Variants in RAB38 observed in about 807,000 individuals in gnomAD.
RAB38 encodes ras-related protein Rab-38.
RAB38 carries 15 observed loss-of-function variants against 18.4 expected under a neutral mutation model. The observed-to-expected ratio is 0.82, with a 90% confidence interval of 0.55 to 1.26. The LOEUF is 1.26. Among genes scored for constraint, RAB38 ranks in the 50% most tolerant of loss-of-function variants. The pLI is 0.00. For missense variants in RAB38, 294 were observed against 267.4 expected (o/e 1.10, Z -0.69); for synonymous variants, 101 against 104.4 (o/e 0.97, Z 0.20).
the RAB38 span, among the ~76,000 whole-genome samples, chr11:87,963,070 T>C: frequency 4.6e-5 from 7 of 152,222 alleles, no homozygotes; most frequent in Admixed American, 4.6e-4. Context: ...CAGTGTTTAT[T>C]ATTTTAACTA....
the RAB38 span, among the ~76,000 whole-genome samples, chr11:88,077,292 C>G: frequency 6.6e-6 from 1 of 151,746 alleles, no homozygotes; most frequent in Non-Finnish European, 1.5e-5. Context: ...AACAAACATA[C>G]TAAAAATCCT....
the RAB38 span, among the ~76,000 whole-genome samples, chr11:87,809,517 T>C: frequency 6.6e-6 from 1 of 152,218 alleles, no homozygotes; most frequent in Admixed American, 6.5e-5. Flanking sequence ...TGAGGAAAAA[T>C]TGATATGAAT....
chr11:87,815,892 T>C, the RAB38 span: 1 of 152,456 alleles, frequency 6.6e-6, no homozygotes, highest in African/African-American at 2.4e-5. Flanking sequence ...ATGAAGAATA[T>C]TGAAGCACCG....
the RAB38 span, among the ~76,000 whole-genome samples, chr11:87,850,193 C>T: frequency 2.0e-5 from 3 of 152,132 alleles, no homozygotes; most frequent in Non-Finnish European, 4.4e-5. Context: ...ATAACCATTA[C>T]TAAAGTACCA....
chr11:88,103,006 T>C, the RAB38 span, among the ~76,000 whole-genome samples: 1 of 149,496 alleles, frequency 6.7e-6, no homozygotes, highest in Admixed American at 6.6e-5. Flanking sequence ...TGCCATGCCC[T>C]TCCCTTTGTA....
At chr11:87,963,260 C>T in the RAB38 span, among the ~76,000 whole-genome samples, 1 of 152,112 alleles carries the variant, frequency 6.6e-6, no homozygotes, top group Non-Finnish European at 1.5e-5. Flanking sequence ...ATCCACAGAG[C>T]CCTCTGTTTA....
chr11:87,816,705 G>C, the RAB38 span, among the ~76,000 whole-genome samples: 1 of 152,068 alleles, frequency 6.6e-6, no homozygotes, highest in East Asian at 1.9e-4. Flanking sequence ...TGTATAGAGA[G>C]AGAAAGAGAG....
At chr11:87,912,011 G>A in the RAB38 span, among the ~76,000 whole-genome samples, 3,151 of 151,802 alleles carry the variant, frequency 0.021, 116 homozygotes, top group Non-Finnish European at 0.024. Flanking sequence ...GAATTAAATG[G>A]ATTGATTTTC....
the RAB38 span, among the ~76,000 whole-genome samples, chr11:87,903,789 C>T: frequency 6.7e-6 from 1 of 150,144 alleles, no homozygotes; most frequent in African/African-American, 2.4e-5. Flanking sequence ...AATGAAAGAG[C>T]TTTTTTCCAT....
intron 1 of RAB38, chr11:88,166,516 G>C (rs1195517388): frequency 1.3e-5 from 2 of 152,096 alleles, no homozygotes; most frequent in Non-Finnish European, 2.9e-5. Flanking sequence ...TCCAGATCAA[G>C]CTTGCTCATC....
chr11:88,038,058 G>GTGAGTTGCC, the RAB38 span, among the ~76,000 whole-genome samples: 3 of 152,116 alleles, frequency 2.0e-5, no homozygotes, highest in African/African-American at 7.2e-5. Flanking sequence ...TTGCTCATCT[G>GTGAGTTGCC]TGAGTTGCCT....
the RAB38 span, among the ~76,000 whole-genome samples, chr11:88,038,686 C>T: frequency 3.9e-5 from 6 of 152,250 alleles, no homozygotes; most frequent in African/African-American, 9.6e-5. Flanking sequence ...CTACCTTTCA[C>T]CCAATCAAAT....
At chr11:88,173,682 T>C in intron 1 of RAB38, 1 of 984,700 alleles carries the variant, frequency 1.0e-6, no homozygotes, top group Non-Finnish European at 1.2e-6. Context: ...TTTTCAGACA[T>C]TATGACATGC....
At chr11:88,093,569 C>A in the RAB38 span, among the ~76,000 whole-genome samples, 1 of 151,818 alleles carries the variant, frequency 6.6e-6, no homozygotes, top group South Asian at 2.1e-4. Context: ...CAATTCTTAC[C>A]AGGATTGTTT....
At chr11:87,897,389 T>C in the RAB38 span, among the ~76,000 whole-genome samples, 1 of 151,612 alleles carries the variant, frequency 6.6e-6, no homozygotes, top group African/African-American at 2.4e-5. Flanking sequence ...TTCTAAATAT[T>C]TTATCTTGGG....
the RAB38 span, among the ~76,000 whole-genome samples, chr11:87,976,851 ATAATGTATT>A: frequency 1.9e-5 from 2 of 102,680 alleles, no homozygotes; most frequent in Admixed American, 2.6e-4. Flanking sequence ...ATTGTGTTAT[ATAATGTATT>A]ATATATTATA....
At chr11:88,122,220 T>C (rs1313342569) in intron 2 of RAB38, among the ~76,000 whole-genome samples, 1 of 152,214 alleles carries the variant, frequency 6.6e-6, no homozygotes, top group African/African-American at 2.4e-5. Context: ...ATCCAATATA[T>C]AATGTATGAC....
At chr11:87,836,585 C>A in the RAB38 span, among the ~76,000 whole-genome samples, 6 of 152,150 alleles carry the variant, frequency 3.9e-5, no homozygotes, top group Admixed American at 2.6e-4. Flanking sequence ...TTCCAGGGAT[C>A]ATTCCTCCAA....
At chr11:87,877,413 T>C in the RAB38 span, among the ~76,000 whole-genome samples, 1 of 151,464 alleles carries the variant, frequency 6.6e-6, no homozygotes, top group Non-Finnish European at 1.5e-5. Context: ...ATTATTTCTA[T>C]TAGTTGATGC....
Sources: allele counts gnomAD v4.1 joint callset (sites outside exome capture counted in the v4.1 genomes callset), GRCh38; gene constraint gnomAD v4.1.1; transcripts MANE v1.5; gene names NCBI Gene and HGNC (gene_info 2026-07-23, HGNC 2026-07-21).